The following UNC13C variants were observed in gnomAD, a reference collection of about 807,000 sequenced individuals.
UNC13C encodes unc-13 homolog C.
UNC13C carries 174 observed loss-of-function variants against 245.4 expected under a neutral mutation model. The observed-to-expected ratio is 0.71, with a 90% CI of 0.63 to 0.80. The LOEUF (loss-of-function observed/expected upper bound fraction) is 0.80. Ranked by LOEUF, UNC13C falls within the 30% of genes least tolerant of loss-of-function variation. The probability of loss-of-function intolerance (pLI) is 0.00; values close to 1 mark genes in which losing one functional copy is unlikely to be tolerated. For synonymous variants in UNC13C, 992 were observed against 895.1 expected, an observed-to-expected ratio of 1.11 and a Z score of -1.93; for missense variants, 2,829 against 2,602.9, an observed-to-expected ratio of 1.09 and a Z score of -1.89.
intron 29 of UNC13C, among the ~76,000 whole-genome samples, chr15:54,557,891 G>A (rs1897154192): frequency 6.6e-6 from 1 of 151,994 alleles, no homozygotes; most frequent in Non-Finnish European, 1.5e-5. Context: ...AGAAAATGTG[G>A]CACATATACA....
At chr15:54,053,198 T>TA (rs1389150884) in intron 2 of UNC13C, among the ~76,000 whole-genome samples, 12 of 152,048 alleles carry the variant, frequency 7.9e-5, no homozygotes, top group Admixed American at 7.9e-4. Context: ...TTTTATTTTT[T>TA]ATTTTTTATT....
In UNC13C at chr15:54,567,828, T is replaced by C; in HGVS notation, c.5987T>C (p.Leu1996Pro). 1 of 1,604,662 alleles carries C rather than the reference T, an allele frequency of 6.2e-7. No homozygotes were observed. Among genetic ancestry groups the C allele is most frequent in the Non-Finnish European group, 8.5e-7 (1 of 1,174,936 alleles). The change falls in exon 30 of 33, where the codon CTG becomes CCG. Residue 1996 changes from leucine to proline, a missense_variant. Transcript: ENST00000260323. ...KQYFHAGGNGLKKNFLEKSPD... is the reference protein window; with the variant it reads ...KQYFHAGGNGPKKNFLEKSPD... ...TACTTTCATGCAGGAGGAAATGGCC[T>C]GAAAAAGAATTTCTTGGAGAAAAGC... is the stretch of plus-strand genomic sequence containing the variant.
rs1338809663 is a variant in UNC13C at position 54,490,122 on chromosome 15, G to T, written c.4934-4486G>T. Among the ~76,000 whole-genome samples, 6 of 152,138 alleles carry T rather than the reference G, an allele frequency of 3.9e-5. No homozygotes were observed. The East Asian group carries it at 1.2e-3, about 29-fold the overall frequency. Reference sequence around the variant, plus strand: ...TTCCCATGGGTTTAGAAGCAACTTTGTAAGGAGGAAACTATTAGTAATTTT... The same window carrying T: ...TTCCCATGGGTTTAGAAGCAACTTTTTAAGGAGGAAACTATTAGTAATTTT... On this transcript the variant is annotated intron_variant, in intron 19 of 32. Coordinates refer to ENST00000260323, the MANE Select transcript of UNC13C (RefSeq NM_001080534.3).
intron 4 of UNC13C, among the ~76,000 whole-genome samples, chr15:54,226,243 A>G (rs2035378928): frequency 6.6e-6 from 1 of 152,152 alleles, no homozygotes; most frequent in African/African-American, 2.4e-5. Flanking sequence ...CGCTCATCAG[A>G]GATATTGACC....
the UNC13C span, among the ~76,000 whole-genome samples, chr15:53,955,612 A>T: frequency 6.6e-6 from 1 of 152,214 alleles, no homozygotes; most frequent in Non-Finnish European, 1.5e-5. Context: ...TTCTACAGAA[A>T]TTTGAGGCAG....
chr15:54,216,624 G>C (rs1010753463), intron 4 of UNC13C, among the ~76,000 whole-genome samples: 1 of 151,920 alleles, frequency 6.6e-6, no homozygotes, highest in East Asian at 1.9e-4. Context: ...GGGCAAATAT[G>C]ACACAGAGAG....
chr15:54,197,051 G>C (rs11639168), intron 4 of UNC13C, among the ~76,000 whole-genome samples: 21,841 of 151,800 alleles, frequency 0.14, 2,045 homozygotes, highest in Middle Eastern at 0.24. Flanking sequence ...AAAACTTAAA[G>C]TATAATAATA....
At chr15:54,537,737 G>T (rs959994232) in intron 26 of UNC13C, among the ~76,000 whole-genome samples, 86 of 151,230 alleles carry the variant, frequency 5.7e-4, no homozygotes, top group African/African-American at 2.1e-3. Flanking sequence ...GGAAGGGAAA[G>T]AACTTCCTAG....
intron 30 of UNC13C, among the ~76,000 whole-genome samples, chr15:54,583,535 G>A (rs1416313603): frequency 6.6e-6 from 1 of 152,090 alleles, no homozygotes; most frequent in Non-Finnish European, 1.5e-5. Context: ...CTAGAAATTT[G>A]ATTCCTGCTT....
the UNC13C span, among the ~76,000 whole-genome samples, chr15:53,943,218 T>C: frequency 6.6e-6 from 1 of 152,318 alleles, no homozygotes; most frequent in African/African-American, 2.4e-5. Flanking sequence ...TGCTTCTTCA[T>C]GTATCAAGTT....
At chr15:54,544,029 C>T (rs987754781) in intron 26 of UNC13C, among the ~76,000 whole-genome samples, 1 of 152,176 alleles carries the variant, frequency 6.6e-6, no homozygotes, top group African/African-American at 2.4e-5. Flanking sequence ...TGATGAACAT[C>T]GATGCAAAAA....
At chr15:54,157,675 A>G (rs1312985756) in intron 4 of UNC13C, among the ~76,000 whole-genome samples, 1 of 152,156 alleles carries the variant, frequency 6.6e-6, no homozygotes, top group Non-Finnish European at 1.5e-5. Context: ...ATAGCTGTAA[A>G]ACATGTATAG....
intron 30 of UNC13C, among the ~76,000 whole-genome samples, chr15:54,580,251 C>T (rs1354326957): frequency 3.3e-5 from 5 of 152,140 alleles, no homozygotes; most frequent in African/African-American, 9.7e-5. Flanking sequence ...GATTTCTGAG[C>T]GAAGATGGGA....
chr15:54,203,886 G>GTATATGTATATGTGTGTGTATATACA (rs1364582561), intron 4 of UNC13C, among the ~76,000 whole-genome samples: 274 of 101,650 alleles, frequency 2.7e-3, no homozygotes, highest in Non-Finnish European at 3.9e-3. Flanking sequence ...ATACACATGT[G>GTATATGTATATGTGTGTGTATATACA]TATATGTATA....
chr15:54,205,437 T>C (rs2034676682), intron 4 of UNC13C, among the ~76,000 whole-genome samples: 1 of 152,050 alleles, frequency 6.6e-6, no homozygotes. Flanking sequence ...CAGGTTCTTA[T>C]TGTTCAAAAG....
At chr15:53,966,484 T>C in the UNC13C span, among the ~76,000 whole-genome samples, 1 of 152,210 alleles carries the variant, frequency 6.6e-6, no homozygotes. Context: ...GATTATACTC[T>C]TTATCCTTGA....
At chr15:53,929,227 A>G in the UNC13C span, among the ~76,000 whole-genome samples, 3 of 152,170 alleles carry the variant, frequency 2.0e-5, no homozygotes, top group East Asian at 1.9e-4. Context: ...CTTATTCACT[A>G]TCAAAAGAAC....
intron 14 of UNC13C, among the ~76,000 whole-genome samples, chr15:54,327,268 C>T (rs2076652076): frequency 6.6e-6 from 1 of 151,842 alleles, no homozygotes; most frequent in African/African-American, 2.4e-5. Flanking sequence ...ATATATATAA[C>T]CAAGTATAAG....
chr15:54,430,925 C>T (rs2040858889), intron 19 of UNC13C, among the ~76,000 whole-genome samples: 1 of 151,674 alleles, frequency 6.6e-6, no homozygotes, highest in South Asian at 2.1e-4. Flanking sequence ...TCCAAGTCTT[C>T]CCACGGGAAA....
Sources: allele counts gnomAD v4.1 joint callset (sites outside exome capture counted in the v4.1 genomes callset), GRCh38; gene constraint gnomAD v4.1.1; transcripts MANE v1.5; gene names NCBI Gene and HGNC (gene_info 2026-07-23, HGNC 2026-07-21).